The following CRPPA variants were observed in gnomAD, a reference collection of about 807,000 sequenced individuals.
The protein encoded by CRPPA is CDP-L-ribitol pyrophosphorylase A, also known as D-ribitol-5-phosphate cytidylyltransferase.
A neutral mutation model predicts 52.0 loss-of-function variants in CRPPA; 43 were observed. That is an observed-to-expected ratio of 0.83 (90% CI 0.65 to 1.07). CRPPA has a LOEUF of 1.07. Among genes scored for constraint, CRPPA ranks in the 50% least tolerant of loss-of-function variants. The pLI is 0.00. For synonymous variants in CRPPA, 250 were observed against 203.5 expected (o/e 1.23, Z -1.94); for missense variants, 629 against 551.7 (o/e 1.14, Z -1.40).
At chr7:16,404,226 T>C (rs957162650) in intron 2 of CRPPA, among the ~76,000 whole-genome samples, 1 of 152,222 alleles carries the variant, frequency 6.6e-6, no homozygotes, top group African/African-American at 2.4e-5. Flanking sequence ...TGTAAAGTTT[T>C]GTTCTGAACC....
In CRPPA at chr7:16,248,858, C is replaced by T. The variant is rs543812469; in HGVS notation, c.1119+9532G>A. Among the ~76,000 whole-genome samples the T allele has an allele frequency of 3.3e-5, 5 of 152,196 alleles. No homozygotes were observed. In the East Asian group the frequency reaches 9.7e-4, roughly 30 times the overall value. ...ACTTGGAGGAACAGTATACTCTTGC[C>T]CAGATACTGTGCTTTTCCCAAGGTC... On this transcript the variant is annotated intron_variant, in intron 8 of 9. Transcript: ENST00000407010.
At position 16,421,056 on chromosome 7, in the gene CRPPA, G is replaced by T. The variant is rs1391659845; in HGVS notation, c.257+10C>A. ...CAGGGAACCGCGGGGCGCGCCCGGCGCCGCATTACCTCTCCAGGGCCTGTA... is the reference window on the plus strand; with the variant it reads ...CAGGGAACCGCGGGGCGCGCCCGGCTCCGCATTACCTCTCCAGGGCCTGTA... On this transcript the variant is annotated intron_variant, in intron 1 of 9. Coordinates refer to ENST00000407010, the MANE Select transcript of CRPPA (RefSeq NM_001101426.4). 2 of 1,263,462 alleles carry T rather than the reference G, an allele frequency of 1.6e-6. No homozygotes were observed. The highest frequency in any genetic ancestry group is 8.4e-5 in the Admixed American group (2 of 23,752). 78.3% of individuals were successfully genotyped at this position (1,263,462 alleles called of 1,614,324 possible). A position where few individuals can be genotyped will look rare whatever the true frequency, so the allele number is the denominator to read the frequency against.
intron 8 of CRPPA, among the ~76,000 whole-genome samples, chr7:16,240,322 T>C (rs934086949): frequency 2.0e-5 from 3 of 151,806 alleles, no homozygotes; most frequent in African/African-American, 4.8e-5. Context: ...AGAAAACGCA[T>C]GAAAAAATTT....
intron 8 of CRPPA, among the ~76,000 whole-genome samples, chr7:16,232,890 C>T (rs1304141224): frequency 1.3e-5 from 2 of 151,894 alleles, no homozygotes; most frequent in African/African-American, 4.8e-5. Flanking sequence ...CAAAACCAAC[C>T]CAACTGACAC....
intron 9 of CRPPA, among the ~76,000 whole-genome samples, chr7:16,171,380 G>A (rs1275742921): frequency 6.6e-6 from 1 of 151,982 alleles, no homozygotes; most frequent in Non-Finnish European, 1.5e-5. Flanking sequence ...GCTTTTAAAT[G>A]TATCTTGTTG....
intron 2 of CRPPA, among the ~76,000 whole-genome samples, chr7:16,401,403 T>C (rs551776713): frequency 3.8e-4 from 58 of 152,326 alleles, no homozygotes; most frequent in Admixed American, 9.2e-4. Flanking sequence ...CAGACTGCTA[T>C]GATTTATAAC....
Position 16,331,304 on chromosome 7 carries a change from C to T in CRPPA, c.685-22677G>A, listed in dbSNP as rs962166004. On this transcript the variant is annotated intron_variant, in intron 3 of 9. Coordinates refer to ENST00000407010, the MANE Select transcript of CRPPA (RefSeq NM_001101426.4). The stretch of plus-strand genomic sequence containing the variant: ...GTGAGCCACTGCACCTGGCCAGAAA[C>T]GTGTTTTACAAGGCATAGGATCACT... 5.3e-5 allele frequency among the ~76,000 whole-genome samples: 8 copies of T among 152,008 alleles called. No homozygotes were observed. In the East Asian group the frequency reaches 5.8e-4, roughly 11 times the overall value.
chr7:16,181,529 T>A (rs1444088888), intron 9 of CRPPA, among the ~76,000 whole-genome samples: 1 of 151,914 alleles, frequency 6.6e-6, no homozygotes, highest in East Asian at 1.9e-4. Context: ...AAAACACATA[T>A]GTAGTATCGA....
intron 9 of CRPPA, among the ~76,000 whole-genome samples, chr7:16,127,996 G>A (rs575284503): frequency 4.9e-4 from 74 of 152,174 alleles, no homozygotes; most frequent in African/African-American, 1.4e-3. Context: ...CAGCTACAAC[G>A]GAATAAATTT....
At chr7:16,169,546 G>T (rs1223857892) in intron 9 of CRPPA, among the ~76,000 whole-genome samples, 2 of 152,150 alleles carry the variant, frequency 1.3e-5, no homozygotes, top group Non-Finnish European at 2.9e-5. Context: ...AATGCTCTTG[G>T]ACAAGAATGT....
At chr7:16,127,545 T>C (rs897382349) in intron 9 of CRPPA, among the ~76,000 whole-genome samples, 3 of 152,084 alleles carry the variant, frequency 2.0e-5, no homozygotes, top group African/African-American at 2.4e-5. Flanking sequence ...TAAACTTTAA[T>C]GTCCTAAAAA....
intron 9 of CRPPA, among the ~76,000 whole-genome samples, chr7:16,097,928 A>G (rs1253492587): frequency 6.6e-6 from 1 of 152,194 alleles, no homozygotes; most frequent in Non-Finnish European, 1.5e-5. Context: ...TATGATGCCC[A>G]TGTCCTCAAA....
intron 9 of CRPPA, among the ~76,000 whole-genome samples, chr7:16,141,734 A>T (rs566685400): frequency 6.6e-6 from 1 of 152,226 alleles, no homozygotes; most frequent in African/African-American, 2.4e-5. Flanking sequence ...TCCACTCAGT[A>T]TAATATATGC....
At chr7:16,108,003 A>G (rs1414735919) in intron 9 of CRPPA, among the ~76,000 whole-genome samples, 2 of 152,082 alleles carry the variant, frequency 1.3e-5, no homozygotes, top group Non-Finnish European at 1.5e-5. Context: ...TTCAGTGGAA[A>G]TACAAAACAA....
At chr7:16,198,697 C>G (rs986911826) in intron 9 of CRPPA, among the ~76,000 whole-genome samples, 1 of 149,076 alleles carries the variant, frequency 6.7e-6, no homozygotes, top group Non-Finnish European at 1.5e-5. Flanking sequence ...ACAGGATGAC[C>G]GGTATGCACT....
At chr7:16,383,136 G>T (rs1388987608) in intron 2 of CRPPA, among the ~76,000 whole-genome samples, 1 of 152,008 alleles carries the variant, frequency 6.6e-6, no homozygotes, top group Non-Finnish European at 1.5e-5. Flanking sequence ...TCTACTTTTG[G>T]TCTTTGATGA....
chr7:16,300,791 T>C (rs548790806), intron 5 of CRPPA, among the ~76,000 whole-genome samples: 1 of 152,226 alleles, frequency 6.6e-6, no homozygotes, highest in Non-Finnish European at 1.5e-5. Context: ...CTGTCCCTAA[T>C]GCATCTTAAT....
chr7:16,260,526 T>C (rs549343014), intron 6 of CRPPA, among the ~76,000 whole-genome samples: 2 of 152,182 alleles, frequency 1.3e-5, no homozygotes, highest in East Asian at 1.9e-4. Context: ...GCTGTGGTTA[T>C]AAATGGTCTT....
At chr7:16,223,981 C>A (rs531826459) in intron 8 of CRPPA, among the ~76,000 whole-genome samples, 1 of 152,094 alleles carries the variant, frequency 6.6e-6, no homozygotes, top group Non-Finnish European at 1.5e-5. Context: ...TTCTTTCTCA[C>A]ATATACATAA....
Sources: allele counts gnomAD v4.1 joint callset (sites outside exome capture counted in the v4.1 genomes callset), GRCh38; gene constraint gnomAD v4.1.1; transcripts MANE v1.5; gene names NCBI Gene and HGNC (gene_info 2026-07-23, HGNC 2026-07-21).